WNK2: variants seen among roughly 807,000 people sequenced by gnomAD.
WNK2 encodes WNK lysine deficient protein kinase 2, also known as serine/threonine-protein kinase WNK2.
In WNK2, 67 loss-of-function variants were observed where a neutral mutation model predicts 192.1. That is an observed-to-expected ratio of 0.35 (90% confidence interval 0.29 to 0.43). WNK2 has a LOEUF of 0.43. WNK2 is among the 20% of genes least tolerant of loss of function. The pLI is 1.00. For missense variants in WNK2, 2,698 were observed against 3,089.7 expected (o/e 0.87, Z 3.01); for synonymous variants, 1,439 against 1,393.9 (o/e 1.03, Z -0.72).
intron 28 of WNK2, chr9:93,317,083 C>T (rs1014391256): frequency 8.2e-6 from 2 of 244,998 alleles, no homozygotes; most frequent in East Asian, 1.3e-4. Context: ...CCATCACCTC[C>T]CTGCACACTT....
intron 26 of WNK2, among the ~76,000 whole-genome samples, chr9:93,301,606 G>A (rs1460717399): frequency 6.6e-6 from 1 of 152,166 alleles, no homozygotes; most frequent in Admixed American, 6.5e-5. Flanking sequence ...TGCGTCTCTG[G>A]GTCCTCTTAT....
intron 14 of WNK2, 184 bp from the exon 15 acceptor site, chr9:93,263,382 C>T: frequency 1.4e-6 from 1 of 697,702 alleles, no homozygotes; most frequent in Non-Finnish European, 2.4e-6. Flanking sequence ...CACTTGGGTG[C>T]AGCAGGGAGC....
Position 93,289,024 on chromosome 9 carries a change from CAG to C in WNK2, c.4271_4272del (p.Gln1424ArgfsTer5). On this transcript the variant is annotated frameshift_variant, in exon 20 of 30. Coordinates refer to ENST00000427277, the MANE Select transcript of WNK2 (RefSeq NM_006648.4). LOFTEE classifies it high-confidence loss of function. ...ASQAGGPGTPQGLTSELETSQ... is the reference protein window; with the variant it reads ...ASQAGGPGTPXGLTSELETSQ... ...CCAGGCAGGGGGTCCAGGGACACCT[CAG>C]GGGCTGACCAGTGAGCTCGAGACGT... 2 of 1,604,638 alleles carry C rather than the reference CAG, an allele frequency of 1.2e-6. No individual in the cohort carries two copies. Among genetic ancestry groups the C allele is most frequent in the African/African-American group, 1.3e-5 (1 of 74,910 alleles).
chr9:93,230,789 T>C, intron 3 of WNK2, 99 bp from the exon 4 acceptor site: 3 of 1,096,268 alleles, frequency 2.7e-6, no homozygotes, highest in South Asian at 1.5e-5. Flanking sequence ...TGCACGGGAA[T>C]GGACTTTGTA....
chr9:93,280,254 T>C (rs142373314), intron 19 of WNK2, among the ~76,000 whole-genome samples: 10 of 152,290 alleles, frequency 6.6e-5, no homozygotes, highest in African/African-American at 2.4e-4. Flanking sequence ...ACCAAAGATA[T>C]GTGGATGCCA....
intron 18 of WNK2, among the ~76,000 whole-genome samples, chr9:93,268,350 A>G (rs531913754): frequency 1.1e-3 from 165 of 152,020 alleles, no homozygotes; most frequent in Non-Finnish European, 2.1e-3. Context: ...TCTGCTGTGC[A>G]CCCCTTGCCC....
At position 93,317,924 on chromosome 9, in the gene WNK2, T is replaced by TC. The variant is rs778478950; in HGVS notation, c.6628+300dup. 5.1e-5 allele frequency: 82 copies of TC among 1,598,912 alleles called. No homozygotes were observed. The East Asian group carries it at 1.5e-3, about 30-fold the overall frequency. ...AACCAGGTGTGGTTTGGCCTCCGAGTCCCCCCCACCGCCTGCTGTGGGCAC... is the reference window on the plus strand; with the variant it reads ...AACCAGGTGTGGTTTGGCCTCCGAGTCCCCCCCCACCGCCTGCTGTGGGCAC... On this transcript the variant is annotated intron_variant, in intron 29 of 29. Coordinates refer to ENST00000427277, the MANE Select transcript of WNK2 (RefSeq NM_006648.4).
chr9:93,188,739 G>A (rs1446174292), intron 2 of WNK2, among the ~76,000 whole-genome samples: 1 of 152,136 alleles, frequency 6.6e-6, no homozygotes, highest in African/African-American at 2.4e-5. Context: ...CTCTGGGAGC[G>A]TCTGCCACCT....
At chr9:93,188,555 T>C (rs1829762241) in intron 2 of WNK2, among the ~76,000 whole-genome samples, 1 of 152,226 alleles carries the variant, frequency 6.6e-6, no homozygotes, top group Non-Finnish European at 1.5e-5. Context: ...TAAACTTTTA[T>C]TCTTGGCAGC....
At chr9:93,314,705 TG>T (rs1854300414) in intron 28 of WNK2, among the ~76,000 whole-genome samples, 1 of 152,118 alleles carries the variant, frequency 6.6e-6, no homozygotes, top group Non-Finnish European at 1.5e-5. Flanking sequence ...TGACAAAAAA[TG>T]GGTGCCCTTT....
intron 28 of WNK2, 91 bp downstream of exon 28, chr9:93,308,675 C>A: frequency 7.2e-7 from 1 of 1,390,044 alleles, no homozygotes; most frequent in South Asian, 1.4e-5. Context: ...GAGGGGTGTC[C>A]AGTTAAGCTC....
Position 93,234,790 on chromosome 9 carries a change from T to A in WNK2, c.1076-18T>A. ...CCCGTGGCCAGCTGACAGCTGCGTC[T>A]GTTGCTTCCGGGCACAGGTACTCCC... is the stretch of plus-strand genomic sequence containing the variant. On this transcript the variant is annotated intron_variant, in intron 4 of 29. Transcript: ENST00000427277. 1.9e-6 allele frequency: 3 copies of A among 1,607,798 alleles called. No individual in the cohort carries two copies. Among genetic ancestry groups the A allele is most frequent in the Middle Eastern group, 1.7e-4 (1 of 6,000 alleles).
At chr9:93,218,240 G>T (rs920655871) in intron 2 of WNK2, among the ~76,000 whole-genome samples, 2 of 152,192 alleles carry the variant, frequency 1.3e-5, no homozygotes, top group Non-Finnish European at 2.9e-5. Flanking sequence ...TTGCCCTGGG[G>T]TGCCCCGCCT....
intron 2 of WNK2, among the ~76,000 whole-genome samples, chr9:93,193,885 T>G (rs78626992): frequency 0.012 from 1,821 of 152,314 alleles, 20 homozygotes; most frequent in Non-Finnish European, 0.02. Context: ...GTCAAGGCAG[T>G]GCAGTATTGG....
intron 2 of WNK2, among the ~76,000 whole-genome samples, chr9:93,187,334 C>G (rs1467158015): frequency 6.6e-6 from 1 of 152,136 alleles, no homozygotes; most frequent in East Asian, 1.9e-4. Context: ...TGCTCCTTGA[C>G]TCTAGGTGGG....
At position 93,292,770 on chromosome 9, in the gene WNK2, GC is replaced by G; in HGVS notation, c.5309del (p.Pro1770HisfsTer15). On this transcript the variant is annotated frameshift_variant, in exon 23 of 30. Coordinates refer to ENST00000427277, the MANE Select transcript of WNK2 (RefSeq NM_006648.4). LOFTEE classifies it high-confidence loss of function. ...LASPHSLRYS[A>X]PPDVYLDEAP... ...CTCCCCCCACAGCCTGAGATACTCT[GC>G]CCCACCCGACGTCTACCTGGACGAG... The G allele has an allele frequency of 6.4e-7, 1 of 1,561,378 alleles. No homozygotes were observed.
chr9:93,238,110 G>A (rs1019444175), intron 5 of WNK2, 123 bp from the exon 6 acceptor site: 100 of 775,730 alleles, frequency 1.3e-4, no homozygotes, highest in Admixed American at 8.7e-4. Flanking sequence ...CTAGTAGTTT[G>A]TGCAGGTTAA....
Position 93,185,451 on chromosome 9 carries a change from A to C in WNK2, c.522A>C (p.Glu174Asp), listed in dbSNP as rs759396124. The stretch of plus-strand genomic sequence containing the variant: ...GGCGCACTCGCCGGGACGAGCCCGA[A>C]GAGGAGGAGGACGACGAGGACGACC... ...EPGRTRRDEP[E>D]EEEDDEDDLK... Residue 174 changes from glutamate (E) to aspartate (D), a missense_variant, in exon 2 of 30, where the codon GAA becomes GAC. By Grantham distance (45) the Glu-to-Asp change is conservative. This residue lies in a region of WNK2 where 260 missense variants were observed against 285.6 expected (regional missense o/e 0.91). Coordinates refer to ENST00000427277, the MANE Select transcript of WNK2 (RefSeq NM_006648.4). 6.2e-7 allele frequency: 1 copy of C among 1,612,468 alleles called. No individual in the cohort carries two copies. Among genetic ancestry groups the C allele is most frequent in the Admixed American group, 1.7e-5 (1 of 59,994 alleles).
intron 2 of WNK2, among the ~76,000 whole-genome samples, chr9:93,219,946 C>T (rs1002398659): frequency 5.9e-5 from 9 of 152,372 alleles, no homozygotes; most frequent in Non-Finnish European, 1.2e-4. Context: ...TAGCGCCGGG[C>T]TCCTCCTGGC....
Sources: allele counts gnomAD v4.1 joint callset (sites outside exome capture counted in the v4.1 genomes callset), GRCh38; gene constraint gnomAD v4.1.1; regional missense constraint gnomAD v4.1.1; transcripts MANE v1.5; gene names NCBI Gene and HGNC (gene_info 2026-07-23, HGNC 2026-07-21).